The following SYNE2 variants were observed in gnomAD, a reference collection of about 807,000 sequenced individuals.
SYNE2 encodes nesprin-2.
In SYNE2, 431 loss-of-function variants were observed where a neutral mutation model predicts 856.3. That is an observed-to-expected ratio of 0.50 (90% CI 0.47 to 0.55). The LOEUF (loss-of-function observed/expected upper bound fraction) is 0.55. Among genes scored for constraint, SYNE2 ranks in the 20% least tolerant of loss-of-function variants. SYNE2 has a pLI of 0.00. For missense variants in SYNE2, 8,129 were observed against 8,023.2 expected (o/e 1.01, Z -0.50); for synonymous variants, 2,923 against 2,872.3 (o/e 1.02, Z -0.56).
At chr14:63,952,301 G>A (rs2096175113) in intron 7 of SYNE2, among the ~76,000 whole-genome samples, 1 of 152,162 alleles carries the variant, frequency 6.6e-6, no homozygotes, top group South Asian at 2.1e-4. Flanking sequence ...AACACTCAAG[G>A]TGCTGAGGTC....
intron 1 of SYNE2, among the ~76,000 whole-genome samples, chr14:63,862,892 G>T (rs1894125151): frequency 6.6e-6 from 1 of 152,016 alleles, no homozygotes; most frequent in African/African-American, 2.4e-5. Flanking sequence ...CTGCCTCCTG[G>T]GTTCAAGTGA....
intron 1 of SYNE2, among the ~76,000 whole-genome samples, chr14:63,894,393 A>AT (rs953313299): frequency 2.2e-4 from 33 of 150,494 alleles, no homozygotes; most frequent in East Asian, 3.9e-4. Context: ...ATTAAAAACA[A>AT]TTTTTTTTTC....
intron 1 of SYNE2, among the ~76,000 whole-genome samples, chr14:63,778,973 A>C (rs1311814960): frequency 2.6e-5 from 4 of 152,070 alleles, no homozygotes; most frequent in African/African-American, 4.8e-5. Flanking sequence ...AAGCACATAC[A>C]ATTTTATTTC....
Position 64,180,704 on chromosome 14 carries a change from A to C in SYNE2, c.17556+3221A>C, listed in dbSNP as rs903579386. ...TTTTTAGTAGAGACGGGGTTTCACC[A>C]TGTTGGCCAGGCTGGTCTCTAACTC... On this transcript the variant is annotated intron_variant, in intron 96 of 115. Transcript: ENST00000555002. 7.2e-5 allele frequency among the ~76,000 whole-genome samples: 11 copies of C among 152,250 alleles called. No individual in the cohort carries two copies. The East Asian group carries it at 7.7e-4, about 11-fold the overall frequency.
chr14:63,916,846 G>A (rs989211087), intron 2 of SYNE2, among the ~76,000 whole-genome samples: 4 of 152,110 alleles, frequency 2.6e-5, no homozygotes, highest in African/African-American at 9.7e-5. Flanking sequence ...CACTTTGGGA[G>A]GCTGAAATGG....
chr14:63,819,425 T>G (rs549071025), intron 1 of SYNE2, among the ~76,000 whole-genome samples: 1 of 151,858 alleles, frequency 6.6e-6, no homozygotes. Flanking sequence ...AGAGATGGGG[T>G]TTCACCATGT....
chr14:63,933,582 A>G lies in SYNE2; in HGVS notation c.80-7032A>G, dbSNP rs541402256. Among the ~76,000 whole-genome samples, 12 of 152,256 alleles carry G rather than the reference A, an allele frequency of 7.9e-5. No individual in the cohort carries two copies. The South Asian group carries it at 8.3e-4, about 11-fold the overall frequency. The stretch of plus-strand genomic sequence containing the variant: ...AGGCAAATATTTTTCAAGGATGATA[A>G]TTAAGGATACTCATATGGGCCTGAA... On this transcript the variant is annotated intron_variant, in intron 2 of 115. Transcript: ENST00000555002.
intron 18 of SYNE2, 84 bp downstream of exon 18, chr14:63,983,970 G>A (rs1460404200): frequency 5.9e-6 from 6 of 1,017,686 alleles, no homozygotes; most frequent in Non-Finnish European, 8.7e-6. Flanking sequence ...TGCCGGGCAC[G>A]GTGGCTCATG....
chr14:64,067,549 T>C (rs781384002), intron 51 of SYNE2, among the ~76,000 whole-genome samples: 2 of 152,244 alleles, frequency 1.3e-5, no homozygotes, highest in Admixed American at 6.5e-5. Flanking sequence ...GTTAGCATGA[T>C]TGGTGCTTTT....
At chr14:64,041,154 T>C (rs1256458353) in intron 45 of SYNE2, among the ~76,000 whole-genome samples, 1 of 152,078 alleles carries the variant, frequency 6.6e-6, no homozygotes, top group African/African-American at 2.4e-5. Flanking sequence ...AGACTGAAAG[T>C]TTATCTATCT....
chr14:63,784,870 CATATGT>C (rs1411340385), intron 1 of SYNE2, among the ~76,000 whole-genome samples: 1 of 151,896 alleles, frequency 6.6e-6, no homozygotes, highest in Non-Finnish European at 1.5e-5. Context: ...ACCTATATAT[CATATGT>C]ATAAGTGTAC....
chr14:64,052,826 A>G lies in SYNE2; in HGVS notation c.8913A>G (p.Gln2971=). 1 of 1,612,854 alleles carries G rather than the reference A, an allele frequency of 6.2e-7. No individual in the cohort carries two copies. The highest frequency in any genetic ancestry group is 8.5e-7 in the Non-Finnish European group (1 of 1,179,772). ...AGCGCAATGAACTATTACTTAATCAAGAAGTAAATAAAGGTGTTAAAGAGG... is the reference window on the plus strand; with the variant it reads ...AGCGCAATGAACTATTACTTAATCAGGAAGTAAATAAAGGTGTTAAAGAGG... ...SIQRNELLLN[Q]EVNKGVKEEI... is the part of the protein sequence containing the mutation. The change falls in exon 48 of 116, where the codon CAA becomes CAG. Residue 2971 remains glutamine, a synonymous_variant. Transcript: ENST00000555002.
At chr14:64,069,767 G>A (rs1256740970) in intron 51 of SYNE2, among the ~76,000 whole-genome samples, 1 of 152,156 alleles carries the variant, frequency 6.6e-6, no homozygotes, top group Non-Finnish European at 1.5e-5. Context: ...ATTTTCACAG[G>A]CTTTGTTTCT....
At chr14:64,189,964 A>ATTTTT in intron 98 of SYNE2, 107 bp from the exon 99 acceptor site, 25 of 1,176,904 alleles carry the variant, frequency 2.1e-5, no homozygotes, top group Non-Finnish European at 2.9e-5. Context: ...TGCCTGGCCA[A>ATTTTT]TTTTTTTTTT....
intron 17 of SYNE2, 137 bp downstream of exon 17, chr14:63,982,931 A>G: frequency 1.1e-6 from 1 of 883,600 alleles, no homozygotes; most frequent in Non-Finnish European, 1.8e-6. Flanking sequence ...AATTTAGAAC[A>G]TTTTTATTAC....
chr14:64,008,154 T>A (rs1318814741), intron 31 of SYNE2, among the ~76,000 whole-genome samples: 1 of 152,212 alleles, frequency 6.6e-6, no homozygotes, highest in Non-Finnish European at 1.5e-5. Flanking sequence ...CAGATCTCTC[T>A]CTGCCCTCTG....
intron 2 of SYNE2, among the ~76,000 whole-genome samples, chr14:63,939,038 T>C (rs904893983): frequency 6.6e-5 from 10 of 152,134 alleles, no homozygotes; most frequent in African/African-American, 2.2e-4. Flanking sequence ...TATAGTGAGA[T>C]GAGGCCTGGT....
chr14:63,889,150 GT>G (rs547911887), intron 1 of SYNE2, among the ~76,000 whole-genome samples: 9,935 of 143,140 alleles, frequency 0.069, 479 homozygotes, highest in African/African-American at 0.14. Flanking sequence ...TATGGGTATA[GT>G]TTTTTTTTTT....
At chr14:64,141,808 G>T in intron 81 of SYNE2, 134 bp from the exon 82 acceptor site, 1 of 1,216,966 alleles carries the variant, frequency 8.2e-7, no homozygotes, top group African/African-American at 1.6e-5. Flanking sequence ...TGAATGCTGG[G>T]TTTGTTTTTT....
Sources: allele counts gnomAD v4.1 joint callset (sites outside exome capture counted in the v4.1 genomes callset), GRCh38; gene constraint gnomAD v4.1.1; transcripts MANE v1.5; gene names NCBI Gene and HGNC (gene_info 2026-07-23, HGNC 2026-07-21).